DLGAP1: variants seen among roughly 807,000 people sequenced by gnomAD.
The protein encoded by DLGAP1 is disks large-associated protein 1.
A neutral mutation model predicts 90.8 loss-of-function variants in DLGAP1; 11 were observed. The observed-to-expected ratio is 0.12, with a 90% CI of 0.08 to 0.20. The LOEUF (loss-of-function observed/expected upper bound fraction) is 0.20. Among genes scored for constraint, DLGAP1 ranks in the 10% least tolerant of loss-of-function variants. DLGAP1 has a pLI of 1.00. For synonymous variants in DLGAP1, 558 were observed against 540.7 expected (o/e 1.03, Z -0.44); for missense variants, 1,050 against 1,333.8 (o/e 0.79, Z 3.31).
In DLGAP1 at chr18:3,527,410, C is replaced by CTGTTTTTTTT. The variant is rs1555668846; in HGVS notation, c.2479+6783_2479+6784insAAAAAAAACA. On this transcript the variant is annotated intron_variant, in intron 10 of 12. Coordinates refer to ENST00000315677, the MANE Select transcript of DLGAP1 (RefSeq NM_004746.4). Reference sequence around the variant, plus strand: ...GTGAGTAAACAGGTTATTTTCCAAACTTTTTTTTTTTTTTTTTTTTTTGCC... The same window carrying CTGTTTTTTTT: ...GTGAGTAAACAGGTTATTTTCCAAACTGTTTTTTTTTTTTTTTTTTTTTTTTTTTTTTGCC... 5.4e-4 allele frequency among the ~76,000 whole-genome samples: 54 copies of CTGTTTTTTTT among 100,694 alleles called. 5 individuals are homozygous for CTGTTTTTTTT. Among genetic ancestry groups the CTGTTTTTTTT allele is most frequent in the South Asian group, 7.0e-4 (2 of 2,852 alleles). 66.1% of individuals were successfully genotyped at this position (100,694 alleles called of 152,430 possible).
At chr18:4,015,397 G>A (rs1486949594) in intron 2 of DLGAP1, among the ~76,000 whole-genome samples, 1 of 152,232 alleles carries the variant, frequency 6.6e-6, no homozygotes, top group Non-Finnish European at 1.5e-5. Context: ...CCCTAAGTTG[G>A]GGTGAGGAAG....
chr18:3,885,866 T>A (rs2071299268), intron 3 of DLGAP1, among the ~76,000 whole-genome samples: 1 of 152,154 alleles, frequency 6.6e-6, no homozygotes, highest in South Asian at 2.1e-4. Flanking sequence ...ATTATCACTG[T>A]CCAGATGATG....
At chr18:4,045,473 C>T (rs546610822) in intron 2 of DLGAP1, among the ~76,000 whole-genome samples, 72 of 103,250 alleles carry the variant, frequency 7.0e-4, no homozygotes, top group South Asian at 1.1e-3. Context: ...AAAGCTTGCC[C>T]CTGTAGTCCC....
intron 1 of DLGAP1, among the ~76,000 whole-genome samples, chr18:4,296,492 T>A (rs1478547847): frequency 6.6e-6 from 1 of 152,246 alleles, no homozygotes; most frequent in African/African-American, 2.4e-5. Context: ...TATACCTGTA[T>A]AATTTGTTGA....
intron 3 of DLGAP1, among the ~76,000 whole-genome samples, chr18:3,940,500 T>C (rs2072744851): frequency 6.6e-6 from 1 of 152,188 alleles, no homozygotes; most frequent in Non-Finnish European, 1.5e-5. Context: ...TCACTAAGAG[T>C]TGTTGAGAAG....
At chr18:4,305,909 ATT>A (rs911353493) in intron 1 of DLGAP1, among the ~76,000 whole-genome samples, 7 of 39,806 alleles carry the variant, frequency 1.8e-4, no homozygotes, top group Non-Finnish European at 1.1e-3. Context: ...CATGATTATT[ATT>A]TTTTTTTTGT....
intron 5 of DLGAP1, among the ~76,000 whole-genome samples, chr18:3,755,586 T>C (rs1360231965): frequency 1.3e-5 from 2 of 152,206 alleles, no homozygotes; most frequent in Admixed American, 1.3e-4. Context: ...AGGGGCGTCT[T>C]ATAACAACAA....
intron 1 of DLGAP1, among the ~76,000 whole-genome samples, chr18:4,336,610 T>C (rs1348939016): frequency 1.3e-5 from 2 of 152,216 alleles, no homozygotes; most frequent in African/African-American, 2.4e-5. Flanking sequence ...AAAATGGTCC[T>C]GTGGCATCTA....
chr18:3,512,850 C>T (rs1042714382), intron 10 of DLGAP1, among the ~76,000 whole-genome samples: 1 of 152,170 alleles, frequency 6.6e-6, no homozygotes, highest in African/African-American at 2.4e-5. Context: ...AGTGTGATTT[C>T]CTTCTTTTTT....
Position 4,077,040 on chromosome 18 carries a change from G to A in DLGAP1, c.-158-71839C>T, listed in dbSNP as rs147118929. Reference sequence around the variant, plus strand: ...CAGGGACCTGTTCTGCTCAGAGAAGGGTTCCAGTGTGCATCAGTCGAGTTA... The same window carrying A: ...CAGGGACCTGTTCTGCTCAGAGAAGAGTTCCAGTGTGCATCAGTCGAGTTA... On this transcript the variant is annotated intron_variant, in intron 2 of 12. Coordinates refer to ENST00000315677, the MANE Select transcript of DLGAP1 (RefSeq NM_004746.4). Among the ~76,000 whole-genome samples the A allele has an allele frequency of 3.0e-3, 452 of 152,248 alleles. 5 individuals are homozygous for A. The highest frequency in any genetic ancestry group is 0.013 in the South Asian group (62 of 4,820).
intron 1 of DLGAP1, among the ~76,000 whole-genome samples, chr18:4,329,352 T>A (rs1010563882): frequency 3.3e-5 from 5 of 151,024 alleles, no homozygotes; most frequent in African/African-American, 4.9e-5. Context: ...AATGATCTAA[T>A]ATGTATTCTT....
chr18:3,634,285 T>C (rs2058621196), intron 7 of DLGAP1, among the ~76,000 whole-genome samples: 1 of 152,110 alleles, frequency 6.6e-6, no homozygotes, highest in Non-Finnish European at 1.5e-5. Flanking sequence ...AATTAAAAGG[T>C]GAATCTTTTT....
At chr18:4,365,779 A>T (rs2081750152) in intron 1 of DLGAP1, among the ~76,000 whole-genome samples, 2 of 152,166 alleles carry the variant, frequency 1.3e-5, no homozygotes, top group Non-Finnish European at 2.9e-5. Flanking sequence ...AATTTTACTC[A>T]CTAAAAATAA....
At chr18:3,872,008 T>C (rs745759362) in intron 4 of DLGAP1, among the ~76,000 whole-genome samples, 2 of 152,072 alleles carry the variant, frequency 1.3e-5, no homozygotes, top group Non-Finnish European at 1.5e-5. Flanking sequence ...GAAACTCCAG[T>C]TGACAGAGAA....
At chr18:3,623,885 C>T (rs2058195461) in intron 7 of DLGAP1, among the ~76,000 whole-genome samples, 1 of 152,072 alleles carries the variant, frequency 6.6e-6, no homozygotes, top group Non-Finnish European at 1.5e-5. Context: ...TAGGATGTGG[C>T]CGGTCCCCGT....
chr18:3,621,669 C>T (rs539891790), intron 7 of DLGAP1, among the ~76,000 whole-genome samples: 7 of 152,224 alleles, frequency 4.6e-5, no homozygotes, highest in African/African-American at 1.2e-4. Context: ...TCTTCCACTG[C>T]GTGGCTGCAC....
At chr18:4,285,954 G>A (rs2079679206) in intron 1 of DLGAP1, among the ~76,000 whole-genome samples, 1 of 152,142 alleles carries the variant, frequency 6.6e-6, no homozygotes, top group Non-Finnish European at 1.5e-5. Flanking sequence ...ACCTCCTGAT[G>A]ACTTTTAAAG....
intron 3 of DLGAP1, among the ~76,000 whole-genome samples, chr18:3,884,065 C>T (rs963852278): frequency 3.9e-5 from 6 of 152,290 alleles, no homozygotes; most frequent in Middle Eastern, 3.4e-3. Context: ...AGGTAAAAAA[C>T]GTGTCCACTG....
intron 1 of DLGAP1, among the ~76,000 whole-genome samples, chr18:4,303,703 C>T (rs1598855957): frequency 6.6e-6 from 1 of 152,214 alleles, no homozygotes; most frequent in Admixed American, 6.5e-5. Context: ...ACTTCATTTC[C>T]TTCCATAATC....
Sources: gnomAD v4.1 joint callset for allele counts (sites outside exome capture counted in the v4.1 genomes callset) on GRCh38, gnomAD v4.1.1 for gene constraint, MANE v1.5 for transcripts, NCBI Gene and HGNC (gene_info 2026-07-23, HGNC 2026-07-21) for gene names.